EML5: variants seen among roughly 807,000 people sequenced by gnomAD.
The protein encoded by EML5 is EMAP like 5, also known as echinoderm microtubule-associated protein-like 5.
A neutral mutation model predicts 250.0 loss-of-function variants in EML5; 120 were observed. That is an observed-to-expected ratio of 0.48 (90% CI 0.41 to 0.56). The LOEUF (loss-of-function observed/expected upper bound fraction) is 0.56. Among genes scored for constraint, EML5 ranks in the 20% least tolerant of loss-of-function variants. EML5 has a pLI of 0.00. For synonymous variants in EML5, 771 were observed against 806.5 expected (o/e 0.96, Z 0.75); for missense variants, 2,006 against 2,437.6 (o/e 0.82, Z 3.73).
In EML5 at chr14:88,665,321, T is replaced by C. The variant is rs1198103657; in HGVS notation, c.3277+16A>G. On this transcript the variant is annotated intron_variant, in intron 22 of 43. Coordinates refer to ENST00000554922, the MANE Select transcript of EML5 (RefSeq NM_183387.3). ...GACCCAAGTTAATACTCAAATACAA[T>C]TTCAATGGATCTTACCAGGTGAAAA... 1 of 1,601,394 alleles carries C rather than the reference T, an allele frequency of 6.2e-7. No homozygotes were observed. The highest frequency in any genetic ancestry group is 8.5e-7 in the Non-Finnish European group (1 of 1,173,858).
chr14:88,791,007 C>CA (rs971190329), intron 1 of EML5, among the ~76,000 whole-genome samples: 13 of 151,944 alleles, frequency 8.6e-5, no homozygotes, highest in South Asian at 8.3e-4. Flanking sequence ...CTCTGGTGTC[C>CA]AAAAAACAAA....
intron 27 of EML5, among the ~76,000 whole-genome samples, chr14:88,651,708 AAAT>A (rs932154961): frequency 2.7e-4 from 41 of 151,852 alleles, no homozygotes; most frequent in Admixed American, 6.6e-4. Context: ...TAGAATATTT[AAAT>A]AATATTATAT....
At chr14:88,677,291 C>T (rs1379468464) in intron 21 of EML5, among the ~76,000 whole-genome samples, 2 of 152,062 alleles carry the variant, frequency 1.3e-5, no homozygotes, top group Non-Finnish European at 2.9e-5. Context: ...ACACCTTATA[C>T]AAAAATTAAC....
At chr14:88,791,643 T>C (rs1333504758) in intron 1 of EML5, among the ~76,000 whole-genome samples, 1 of 152,236 alleles carries the variant, frequency 6.6e-6, no homozygotes, top group African/African-American at 2.4e-5. Flanking sequence ...TTTAGGAGTA[T>C]TTTAATGAAG....
At chr14:88,709,671 G>T (rs1323564544) in intron 10 of EML5, among the ~76,000 whole-genome samples, 1 of 152,054 alleles carries the variant, frequency 6.6e-6, no homozygotes, top group African/African-American at 2.4e-5. Context: ...TTCTTATAAC[G>T]TTCACATTCT....
chr14:88,625,264 G>C (rs1236804130), intron 35 of EML5, 137 bp from the exon 36 acceptor site: 1 of 988,886 alleles, frequency 1.0e-6, no homozygotes, highest in Non-Finnish European at 1.4e-6. Flanking sequence ...CAGCAGCACT[G>C]AATTCACGAG....
chr14:88,716,807 T>A (rs2093502881), intron 8 of EML5, among the ~76,000 whole-genome samples: 1 of 152,008 alleles, frequency 6.6e-6, no homozygotes. Flanking sequence ...CTGATTGGTA[T>A]TTTAGTATAA....
chr14:88,665,610 C>T (rs772539186), intron 21 of EML5, 121 bp from the exon 22 acceptor site: 125 of 1,332,980 alleles, frequency 9.4e-5, no homozygotes, highest in Non-Finnish European at 1.2e-4. Flanking sequence ...GAGGACTGCC[C>T]GCGGCCAGGA....
intron 9 of EML5, 71 bp from the exon 10 acceptor site, chr14:88,712,554 G>C: frequency 7.8e-7 from 1 of 1,279,804 alleles, no homozygotes; most frequent in East Asian, 2.5e-5. Flanking sequence ...ACTGTACTGA[G>C]AACATAGTAA....
intron 4 of EML5, among the ~76,000 whole-genome samples, chr14:88,742,054 T>C (rs1426530072): frequency 6.6e-6 from 1 of 152,144 alleles, no homozygotes; most frequent in African/African-American, 2.4e-5. Context: ...TGATTCCCAA[T>C]GTTAGCTTCA....
chr14:88,770,520 C>G (rs1394654222), intron 1 of EML5, among the ~76,000 whole-genome samples: 1 of 151,976 alleles, frequency 6.6e-6, no homozygotes, highest in Non-Finnish European at 1.5e-5. Context: ...AAGAACGTTT[C>G]TGAAACAGGG....
chr14:88,714,730 TA>T (rs1186837423), intron 9 of EML5, among the ~76,000 whole-genome samples: 1 of 152,180 alleles, frequency 6.6e-6, no homozygotes, highest in African/African-American at 2.4e-5. Context: ...GATTTCAATA[TA>T]AGGCAGCCTT....
At position 88,618,772 on chromosome 14, in the gene EML5, CA is replaced by C; in HGVS notation, c.5415del (p.Ser1805ArgfsTer10). 6.3e-7 allele frequency: 1 copy of C among 1,599,684 alleles called. No individual in the cohort carries two copies. Among genetic ancestry groups the C allele is most frequent in the Non-Finnish European group, 8.5e-7 (1 of 1,171,970 alleles). The stretch of plus-strand genomic sequence containing the variant: ...AGGTCATAAAAATCCACTGAGTTCT[CA>C]CTAGAACCTACTGCCAGATACCGGG... ...PDSRYLAVGS[S>X]ENSVDFYDLT... On this transcript the variant is annotated frameshift_variant, in exon 40 of 44. Coordinates refer to ENST00000554922, the MANE Select transcript of EML5 (RefSeq NM_183387.3). LOFTEE classifies it high-confidence loss of function.
chr14:88,721,173 G>C lies in EML5; in HGVS notation c.1187+5368C>G, dbSNP rs564062358. 3.9e-5 allele frequency among the ~76,000 whole-genome samples: 6 copies of C among 152,284 alleles called. No individual in the cohort carries two copies. The East Asian group carries it at 1.2e-3, about 29-fold the overall frequency. On this transcript the variant is annotated intron_variant, in intron 8 of 43. Transcript: ENST00000554922. Reference sequence around the variant, plus strand: ...CCTGGATAGGAAGAATGAGTATCATGAAAATTGCCATCCTGCCCAAAGTAA... The same window carrying C: ...CCTGGATAGGAAGAATGAGTATCATCAAAATTGCCATCCTGCCCAAAGTAA...
At position 88,714,991 on chromosome 14, in the gene EML5, T is replaced by A; in HGVS notation, c.1392A>T (p.Arg464Ser). ...ITHLDWSSDS[R>S]YLQTNDGNGK... ...CATTTCCATCATTTGTCTGCAAATATCTACTGTCTGAAGACCAGTCCAGAT... is the reference window on the plus strand; with the variant it reads ...CATTTCCATCATTTGTCTGCAAATAACTACTGTCTGAAGACCAGTCCAGAT... The change falls in exon 9 of 44, where the codon AGA becomes AGT. Residue 464 changes from arginine (R) to serine (S), a missense_variant. Physicochemically the swap from Arg to Ser is moderately radical, Grantham distance 110. Coordinates refer to ENST00000554922, the MANE Select transcript of EML5 (RefSeq NM_183387.3). The A allele has an allele frequency of 6.2e-7, 1 of 1,613,614 alleles. No homozygotes were observed. The highest frequency in any genetic ancestry group is 1.1e-5 in the South Asian group (1 of 90,908).
At chr14:88,729,971 A>G (rs927774926) in intron 7 of EML5, among the ~76,000 whole-genome samples, 2 of 150,998 alleles carry the variant, frequency 1.3e-5, no homozygotes, top group Admixed American at 1.3e-4. Flanking sequence ...GAGATGATAC[A>G]CTCTCATCAC....
chr14:88,693,996 C>CACCT (rs2093020809), intron 17 of EML5, among the ~76,000 whole-genome samples: 1 of 149,836 alleles, frequency 6.7e-6, no homozygotes, highest in African/African-American at 2.5e-5. Flanking sequence ...TGCTCTTGAA[C>CACCT]ACCTAGGCTC....
intron 8 of EML5, among the ~76,000 whole-genome samples, chr14:88,722,507 T>C (rs1252914896): frequency 6.6e-6 from 1 of 151,742 alleles, no homozygotes; most frequent in Non-Finnish European, 1.5e-5. Context: ...AGCAAACTAA[T>C]GCAGGAACAG....
At chr14:88,763,708 G>A (rs1416608206) in intron 1 of EML5, among the ~76,000 whole-genome samples, 1 of 152,106 alleles carries the variant, frequency 6.6e-6, no homozygotes, top group African/African-American at 2.4e-5. Context: ...AACAAAAAAA[G>A]GAAATTTCAG....
Sources: gnomAD v4.1 joint callset for allele counts (sites outside exome capture counted in the v4.1 genomes callset) on GRCh38, gnomAD v4.1.1 for gene constraint, MANE v1.5 for transcripts, NCBI Gene and HGNC (gene_info 2026-07-23, HGNC 2026-07-21) for gene names.